Variants in TRIO observed in about 807,000 individuals in gnomAD.
The protein encoded by TRIO is trio Rho guanine nucleotide exchange factor, also known as triple functional domain protein.
TRIO carries 58 observed loss-of-function variants against 351.9 expected under a neutral mutation model. The observed-to-expected ratio is 0.16, with a 90% CI of 0.13 to 0.21. TRIO has a LOEUF of 0.21. Among genes scored for constraint, TRIO ranks in the 10% least tolerant of loss-of-function variants. TRIO has a pLI of 1.00. For synonymous variants in TRIO, 1,758 were observed against 1,595.7 expected (o/e 1.10, Z -2.42); for missense variants, 3,201 against 4,027.8 (o/e 0.79, Z 5.56).
intron 34 of TRIO, among the ~76,000 whole-genome samples, chr5:14,425,879 A>G (rs529605961): frequency 3.9e-5 from 6 of 152,326 alleles, no homozygotes; most frequent in African/African-American, 1.4e-4. Context: ...AACTGTCAGC[A>G]ATAAATTTCT....
At chr5:14,444,179 T>C (rs1323679519) in intron 34 of TRIO, among the ~76,000 whole-genome samples, 2 of 152,006 alleles carry the variant, frequency 1.3e-5, no homozygotes, top group African/African-American at 2.4e-5. Flanking sequence ...AAAGACTAAA[T>C]ATAGGATAAA....
At chr5:14,311,480 C>A (rs975688081) in intron 8 of TRIO, among the ~76,000 whole-genome samples, 1 of 152,218 alleles carries the variant, frequency 6.6e-6, no homozygotes, top group East Asian at 1.9e-4. Context: ...TGGGAACACA[C>A]ATGACCTTTC....
chr5:14,188,259 C>T lies in TRIO; in HGVS notation c.157+44377C>T, dbSNP rs79694584. Among the ~76,000 whole-genome samples the T allele has an allele frequency of 1.1e-3, 175 of 152,240 alleles. 1 individual carries two copies. In the East Asian group the frequency reaches 0.028, roughly 24 times the overall value. ...ATAATTATGATGCCAGCTAACTGTC[C>T]TTGAGTGCCAATGCTGCCATGTATT... On this transcript the variant is annotated intron_variant, in intron 1 of 56. Transcript: ENST00000344204.
At chr5:14,193,444 A>G (rs1014450514) in intron 1 of TRIO, among the ~76,000 whole-genome samples, 1 of 152,194 alleles carries the variant, frequency 6.6e-6, no homozygotes, top group African/African-American at 2.4e-5. Context: ...GTTTTACTTT[A>G]AAAATATGAA....
intron 1 of TRIO, among the ~76,000 whole-genome samples, chr5:14,265,299 G>T (rs1035949375): frequency 1.3e-5 from 2 of 151,912 alleles, no homozygotes; most frequent in Admixed American, 6.6e-5. Context: ...AGGAATAACT[G>T]TGTTTCTTCT....
In TRIO at chr5:14,387,516, A is replaced by T; in HGVS notation, c.3649A>T (p.Ile1217Leu). The change falls in exon 22 of 57, where the codon ATA becomes TTA. Residue 1217 changes from isoleucine (I) to leucine (L), a missense_variant. Transcript: ENST00000344204. ...AAAAGGGCATGCCCATGCGGCAGAG[A>T]TAAAAAAATGTGTTACTGCTGTGGA... Reference protein sequence around the residue: ...CEKGHAHAAEIKKCVTAVDKR... With the variant: ...CEKGHAHAAELKKCVTAVDKR... The T allele has an allele frequency of 6.2e-7, 1 of 1,614,238 alleles. No individual in the cohort carries two copies. Among genetic ancestry groups the T allele is most frequent in the Non-Finnish European group, 8.5e-7 (1 of 1,180,038 alleles).
intron 34 of TRIO, among the ~76,000 whole-genome samples, chr5:14,435,570 C>T (rs773922520): frequency 1.3e-4 from 20 of 152,218 alleles, no homozygotes; most frequent in Non-Finnish European, 7.3e-5. Flanking sequence ...TTCTTGCCTA[C>T]AACACTATAG....
chr5:14,213,878 A>G (rs370292408), intron 1 of TRIO, among the ~76,000 whole-genome samples: 5 of 152,244 alleles, frequency 3.3e-5, no homozygotes, highest in African/African-American at 9.6e-5. Flanking sequence ...GGCCCAGGGC[A>G]GGAGACTGAC....
intron 12 of TRIO, 29 bp from the exon 13 acceptor site, chr5:14,359,328 A>G: frequency 1.9e-6 from 3 of 1,595,100 alleles, no homozygotes; most frequent in Non-Finnish European, 2.6e-6. Flanking sequence ...TTTCTCATCC[A>G]ATTCCTGTTC....
At position 14,390,946 on chromosome 5, in the gene TRIO, G is replaced by C; in HGVS notation, c.4174G>C (p.Asp1392His). ...TGTCACATATTGCAAAAATAAGCCT[G>C]ATTCTACTCAGCTGATATTGGAACA... is the stretch of plus-strand genomic sequence containing the variant. ...MYVTYCKNKP[D>H]STQLILEHAG... Residue 1392 changes from aspartate (D) to histidine (H), a missense_variant, in exon 27 of 57, where the codon GAT becomes CAT. Coordinates refer to ENST00000344204, the MANE Select transcript of TRIO (RefSeq NM_007118.4). The C allele has an allele frequency of 6.2e-7, 1 of 1,611,098 alleles. No individual in the cohort carries two copies. The highest frequency in any genetic ancestry group is 8.5e-7 in the Non-Finnish European group (1 of 1,179,108).
chr5:14,472,740 C>T (rs1754781314), intron 39 of TRIO, 82 bp downstream of exon 39: 2 of 1,385,466 alleles, frequency 1.4e-6, no homozygotes, highest in Non-Finnish European at 2.0e-6. Flanking sequence ...AGTTGAACAC[C>T]TCTCAAAAGC....
At chr5:14,469,447 AAATT>A (rs1436589283) in intron 37 of TRIO, among the ~76,000 whole-genome samples, 2 of 152,258 alleles carry the variant, frequency 1.3e-5, no homozygotes, top group Non-Finnish European at 1.5e-5. Flanking sequence ...TAATTTATCA[AAATT>A]AATCTCATAA....
chr5:14,387,880 A>G (rs1364262673), intron 23 of TRIO, 33 bp downstream of exon 23: 3 of 1,604,022 alleles, frequency 1.9e-6, no homozygotes, highest in Non-Finnish European at 2.6e-6. Context: ...ACCAGGATTC[A>G]CTGGAAAAGT....
At chr5:14,438,834 A>G (rs116335755) in intron 34 of TRIO, among the ~76,000 whole-genome samples, 4,568 of 152,252 alleles carry the variant, frequency 0.03, 100 homozygotes, top group African/African-American at 0.049. Flanking sequence ...CCTTCAGGGC[A>G]TGCCTTTAAT....
chr5:14,232,008 G>A (rs372961475), intron 1 of TRIO, among the ~76,000 whole-genome samples: 2 of 152,262 alleles, frequency 1.3e-5, no homozygotes, highest in East Asian at 1.9e-4. Flanking sequence ...AATTATAACA[G>A]CAGCCACAGC....
intron 1 of TRIO, among the ~76,000 whole-genome samples, chr5:14,187,832 A>G (rs1437297432): frequency 7.1e-6 from 1 of 140,630 alleles, no homozygotes; most frequent in African/African-American, 3.3e-5. Flanking sequence ...AATGAGACTT[A>G]TGGGAGGGGA....
chr5:14,193,323 A>G (rs181251550), intron 1 of TRIO, among the ~76,000 whole-genome samples: 90 of 152,356 alleles, frequency 5.9e-4, no homozygotes, highest in African/African-American at 2.1e-3. Context: ...GCACACATAT[A>G]CAGATAAAAT....
intron 1 of TRIO, among the ~76,000 whole-genome samples, chr5:14,243,235 T>G (rs1048267410): frequency 6.6e-6 from 1 of 152,164 alleles, no homozygotes; most frequent in African/African-American, 2.4e-5. Flanking sequence ...TCCCTGCCTC[T>G]GCTGTTACTC....
chr5:14,288,328 C>A (rs903755620), intron 4 of TRIO, among the ~76,000 whole-genome samples: 1 of 152,176 alleles, frequency 6.6e-6, no homozygotes, highest in Non-Finnish European at 1.5e-5. Flanking sequence ...TACATTGTTA[C>A]CAGCCTCTCT....
Sources: allele counts gnomAD v4.1 joint callset (sites outside exome capture counted in the v4.1 genomes callset), GRCh38; gene constraint gnomAD v4.1.1; transcripts MANE v1.5; gene names NCBI Gene and HGNC (gene_info 2026-07-23, HGNC 2026-07-21).